The following ZNF407 variants were observed in gnomAD, a reference collection of about 807,000 sequenced individuals.
The protein encoded by ZNF407 is zinc finger protein 407.
ZNF407 carries 17 observed loss-of-function variants against 131.2 expected under a neutral mutation model. That is an observed-to-expected ratio of 0.13 (90% confidence interval 0.09 to 0.19). The LOEUF is 0.19. ZNF407 is among the 10% of genes least tolerant of loss of function. ZNF407 has a pLI of 1.00. For missense variants in ZNF407, 2,681 were observed against 2,830.6 expected (o/e 0.95, Z 1.20); for synonymous variants, 1,156 against 1,062.0 (o/e 1.09, Z -1.72).
chr18:74,672,901 T>G (rs1986208849), intron 3 of ZNF407, among the ~76,000 whole-genome samples: 1 of 152,200 alleles, frequency 6.6e-6, no homozygotes, highest in African/African-American at 2.4e-5. Context: ...AAGCCTCTGT[T>G]AGATTATGGT....
At chr18:74,691,313 A>G (rs1967217571) in intron 3 of ZNF407, among the ~76,000 whole-genome samples, 1 of 151,722 alleles carries the variant, frequency 6.6e-6, no homozygotes, top group Non-Finnish European at 1.5e-5. Flanking sequence ...TAAAGAAAAA[A>G]ATTATCTTTT....
In ZNF407 at chr18:75,000,277, A is replaced by T. The variant is rs59146699; in HGVS notation, c.5429-62873A>T. ...GTTGAATGTATTATCTATTCAAGAC[A>T]GATTAATTTTTAAATAACATGCTAC... is the stretch of plus-strand genomic sequence containing the variant. On this transcript the variant is annotated intron_variant, in intron 8 of 8. Coordinates refer to ENST00000299687, the MANE Select transcript of ZNF407 (RefSeq NM_017757.3). 3.3e-3 allele frequency among the ~76,000 whole-genome samples: 500 copies of T among 152,378 alleles called. 8 individuals carry two copies. Among genetic ancestry groups the T allele is most frequent in the African/African-American group, 0.011 (467 of 41,580 alleles).
At position 74,633,762 on chromosome 18, in the gene ZNF407, C is replaced by T. The variant is rs771240561; in HGVS notation, c.2743C>T (p.His915Tyr). 6.2e-7 allele frequency: 1 copy of T among 1,613,806 alleles called. No individual in the cohort carries two copies. The highest frequency in any genetic ancestry group is 1.1e-5 in the South Asian group (1 of 91,068). Residue 915 changes from histidine to tyrosine, a missense_variant, in exon 2 of 9, where the codon CAC (histidine) becomes TAC (tyrosine). His to Tyr is a moderately conservative substitution (Grantham distance 83). Transcript: ENST00000299687. ...GGTAGAAATAGAAGCAAGTGGAAAA[C>T]ACAGTTCAGATATCATTGTTGGCCC... is the stretch of plus-strand genomic sequence containing the variant. ...GRVEIEASGK[H>Y]SSDIIVGPEG...
At chr18:74,695,383 A>G (rs1166486665) in intron 3 of ZNF407, among the ~76,000 whole-genome samples, 2 of 152,224 alleles carry the variant, frequency 1.3e-5, no homozygotes, top group Non-Finnish European at 2.9e-5. Flanking sequence ...TTGTTAGAAC[A>G]AGTGCTAAAA....
At chr18:74,806,089 C>T (rs182220929) in intron 4 of ZNF407, among the ~76,000 whole-genome samples, 14 of 152,226 alleles carry the variant, frequency 9.2e-5, no homozygotes, top group Admixed American at 7.2e-4. Flanking sequence ...TAATACTAAA[C>T]GAGTAAGATT....
At chr18:74,665,305 GC>G (rs943588445) in intron 3 of ZNF407, among the ~76,000 whole-genome samples, 2 of 152,130 alleles carry the variant, frequency 1.3e-5, no homozygotes, top group African/African-American at 4.8e-5. Context: ...CCATCTTTCT[GC>G]CCCACTGCCC....
intron 3 of ZNF407, among the ~76,000 whole-genome samples, chr18:74,702,123 T>C (rs1384539980): frequency 6.6e-6 from 1 of 152,198 alleles, no homozygotes; most frequent in African/African-American, 2.4e-5. Flanking sequence ...CATTACATTT[T>C]GGAGGGGCTG....
intron 3 of ZNF407, among the ~76,000 whole-genome samples, chr18:74,765,743 A>G (rs1394665410): frequency 1.3e-5 from 2 of 152,202 alleles, no homozygotes; most frequent in African/African-American, 4.8e-5. Flanking sequence ...TGCCCTGTGC[A>G]TTCCAGCTGC....
At chr18:74,848,871 C>T (rs1171593227) in intron 4 of ZNF407, among the ~76,000 whole-genome samples, 2 of 152,038 alleles carry the variant, frequency 1.3e-5, no homozygotes, top group African/African-American at 2.4e-5. Context: ...CTAAACCATC[C>T]TGAGCCTTTG....
rs377134613 is a variant in ZNF407 at position 74,760,709 on chromosome 18, G to C, written c.4803-20719G>C. On this transcript the variant is annotated intron_variant, in intron 3 of 8. Coordinates refer to ENST00000299687, the MANE Select transcript of ZNF407 (RefSeq NM_017757.3). The stretch of plus-strand genomic sequence containing the variant: ...TAAGTAGTGGAATTTTTACGGGAAT[G>C]AGGTCTTTGGTGAGTTCCTAACCTG... Among the ~76,000 whole-genome samples the C allele has an allele frequency of 1.2e-4, 19 of 152,282 alleles. No individual in the cohort carries two copies. The South Asian group carries it at 3.9e-3, about 32-fold the overall frequency.
chr18:74,872,754 C>CA (rs1285226958), intron 4 of ZNF407, among the ~76,000 whole-genome samples: 49 of 67,994 alleles, frequency 7.2e-4, no homozygotes, highest in African/African-American at 2.0e-3. Context: ...GACTCAGTCT[C>CA]AAAAAAAAAA....
intron 8 of ZNF407, among the ~76,000 whole-genome samples, chr18:75,021,297 C>T (rs1973107350): frequency 1.3e-5 from 2 of 152,062 alleles, no homozygotes; most frequent in South Asian, 4.2e-4. Context: ...AAGACAGGGT[C>T]CTGCTCTGTC....
intron 3 of ZNF407, among the ~76,000 whole-genome samples, chr18:74,730,152 T>C (rs959433023): frequency 3.3e-5 from 5 of 152,206 alleles, no homozygotes; most frequent in Non-Finnish European, 5.9e-5. Flanking sequence ...TTCAATGCTG[T>C]GGAAGGAAAT....
chr18:74,718,691 A>G (rs945304059), intron 3 of ZNF407, among the ~76,000 whole-genome samples: 1 of 152,154 alleles, frequency 6.6e-6, no homozygotes, highest in African/African-American at 2.4e-5. Context: ...ATTATTGTAA[A>G]TGGAATTGTT....
intron 8 of ZNF407, among the ~76,000 whole-genome samples, chr18:75,008,979 T>G (rs1326863721): frequency 2.0e-5 from 3 of 152,226 alleles, no homozygotes; most frequent in Non-Finnish European, 4.4e-5. Context: ...ATTCTTCTGT[T>G]TCAAACACTT....
intron 3 of ZNF407, among the ~76,000 whole-genome samples, chr18:74,742,543 G>A (rs1379125275): frequency 2.6e-5 from 4 of 152,124 alleles, no homozygotes; most frequent in African/African-American, 4.8e-5. Flanking sequence ...TTTGTTGATT[G>A]AGTACTCAAC....
intron 4 of ZNF407, among the ~76,000 whole-genome samples, chr18:74,862,766 C>T (rs1406655846): frequency 6.6e-6 from 1 of 152,000 alleles, no homozygotes; most frequent in African/African-American, 2.4e-5. Context: ...CCCTTTTTGC[C>T]AACTCTTATT....
At chr18:74,768,527 G>A (rs1969292378) in intron 3 of ZNF407, among the ~76,000 whole-genome samples, 1 of 152,126 alleles carries the variant, frequency 6.6e-6, no homozygotes, top group Non-Finnish European at 1.5e-5. Context: ...TAATCAATAA[G>A]GACAATACCA....
At chr18:74,879,624 C>G (rs1265041066) in intron 5 of ZNF407, among the ~76,000 whole-genome samples, 1 of 152,094 alleles carries the variant, frequency 6.6e-6, no homozygotes, top group Non-Finnish European at 1.5e-5. Flanking sequence ...CCCATCTACT[C>G]TATTCTTTCT....
Sources: allele counts gnomAD v4.1 joint callset (sites outside exome capture counted in the v4.1 genomes callset), GRCh38; gene constraint gnomAD v4.1.1; transcripts MANE v1.5; gene names NCBI Gene and HGNC (gene_info 2026-07-23, HGNC 2026-07-21).